EYS: variants seen among roughly 807,000 people sequenced by gnomAD.
The protein encoded by EYS is protein eyes shut homolog.
A neutral mutation model predicts 282.1 loss-of-function variants in EYS; 250 were observed. The observed-to-expected ratio is 0.89, with a 90% CI of 0.80 to 0.98. EYS has a LOEUF of 0.98. EYS is among the 50% of genes least tolerant of loss of function. The probability of loss-of-function intolerance (pLI) is 0.00; values close to 1 mark genes in which losing one functional copy is unlikely to be tolerated. For missense variants in EYS, 4,016 were observed against 3,709.0 expected (o/e 1.08, Z -2.15); for synonymous variants, 1,355 against 1,282.9 (o/e 1.06, Z -1.20).
chr6:63,900,552 C>T (rs1486887635), intron 35 of EYS, among the ~76,000 whole-genome samples: 1 of 152,166 alleles, frequency 6.6e-6, no homozygotes, highest in Non-Finnish European at 1.5e-5. Context: ...AGGTCACTCA[C>T]CTCTCCCCAG....
At chr6:64,911,662 C>A (rs1006958510) in intron 16 of EYS, among the ~76,000 whole-genome samples, 1 of 152,054 alleles carries the variant, frequency 6.6e-6, no homozygotes, top group Non-Finnish European at 1.5e-5. Flanking sequence ...TTTGGGCCTC[C>A]AAACACAATG....
intron 29 of EYS, among the ~76,000 whole-genome samples, chr6:64,309,141 T>C (rs1769575314): frequency 6.6e-6 from 1 of 152,134 alleles, no homozygotes; most frequent in African/African-American, 2.4e-5. Flanking sequence ...AGCTCAGCAA[T>C]GGCATAAAAG....
At chr6:65,061,061 T>A (rs957027927) in intron 12 of EYS, among the ~76,000 whole-genome samples, 1 of 151,840 alleles carries the variant, frequency 6.6e-6, no homozygotes, top group Non-Finnish European at 1.5e-5. Flanking sequence ...ATAAATATCA[T>A]AAAGATTGCC....
chr6:65,526,862 G>A (rs1767587020), intron 2 of EYS, among the ~76,000 whole-genome samples: 1 of 152,056 alleles, frequency 6.6e-6, no homozygotes, highest in Non-Finnish European at 1.5e-5. Flanking sequence ...TCGAAATAAC[G>A]AGAGGGCACT....
chr6:63,924,363 GC>G lies in EYS; in HGVS notation c.7056-60006del, dbSNP rs143364540. ...AAATGCTTCGTGTGGAAAAAGAAGA[GC>G]CTCTTTACTGGAGAAAAGCATTCTG... On this transcript the variant is annotated intron_variant, in intron 35 of 42. Transcript: ENST00000503581. Among the ~76,000 whole-genome samples the G allele has an allele frequency of 5.1e-3, 773 of 152,316 alleles. 4 individuals are homozygous for G. The highest frequency in any genetic ancestry group is 0.017 in the African/African-American group (719 of 41,564).
At chr6:64,879,575 A>G (rs959930503) in intron 19 of EYS, among the ~76,000 whole-genome samples, 4 of 148,640 alleles carry the variant, frequency 2.7e-5, no homozygotes, top group African/African-American at 9.8e-5. Flanking sequence ...TAAAAATATT[A>G]GGTAAGATAG....
At chr6:64,509,053 G>A (rs902428707) in intron 26 of EYS, among the ~76,000 whole-genome samples, 3 of 151,868 alleles carry the variant, frequency 2.0e-5, no homozygotes, top group Non-Finnish European at 4.4e-5. Context: ...ACTAAAAGAG[G>A]ATGGAACTTT....
intron 2 of EYS, among the ~76,000 whole-genome samples, chr6:65,615,479 AT>A (rs1225702119): frequency 6.6e-6 from 1 of 150,878 alleles, no homozygotes; most frequent in African/African-American, 2.4e-5. Flanking sequence ...ACAAAGCTAA[AT>A]GATGTTTACT....
intron 4 of EYS, among the ~76,000 whole-genome samples, chr6:65,493,435 T>C (rs920706435): frequency 3.3e-5 from 5 of 152,252 alleles, no homozygotes; most frequent in Admixed American, 3.3e-4. Flanking sequence ...TATTATCAGC[T>C]GTGTCAAATA....
chr6:64,463,824 C>T (rs976305710), intron 26 of EYS, among the ~76,000 whole-genome samples: 10 of 152,054 alleles, frequency 6.6e-5, no homozygotes, highest in African/African-American at 1.4e-4. Flanking sequence ...ACAAAATCCC[C>T]GCTGATGGCT....
At chr6:64,608,196 T>G (rs915070464) in intron 24 of EYS, among the ~76,000 whole-genome samples, 1 of 152,240 alleles carries the variant, frequency 6.6e-6, no homozygotes, top group East Asian at 1.9e-4. Context: ...TTTTCGTTCA[T>G]GTATAATAAT....
intron 34 of EYS, among the ~76,000 whole-genome samples, chr6:63,986,444 G>A (rs1373308806): frequency 6.6e-6 from 1 of 151,540 alleles, no homozygotes; most frequent in Non-Finnish European, 1.5e-5. Flanking sequence ...AGGAATATCA[G>A]TCATTCTACC....
intron 2 of EYS, among the ~76,000 whole-genome samples, chr6:65,538,894 G>A (rs1049324252): frequency 5.9e-5 from 9 of 152,050 alleles, no homozygotes; most frequent in Non-Finnish European, 8.8e-5. Flanking sequence ...CTTGAGTATT[G>A]CAAAGATATA....
intron 2 of EYS, among the ~76,000 whole-genome samples, chr6:65,570,801 A>G (rs911349212): frequency 1.3e-5 from 2 of 152,144 alleles, no homozygotes; most frequent in African/African-American, 4.8e-5. Context: ...GCTTCTGGAA[A>G]CTTCAGCCTT....
At chr6:64,674,613 T>C (rs1257773388) in intron 22 of EYS, among the ~76,000 whole-genome samples, 1 of 152,106 alleles carries the variant, frequency 6.6e-6, no homozygotes, top group African/African-American at 2.4e-5. Context: ...ACCAACACAC[T>C]GTTAATTGCC....
At chr6:64,441,840 G>A (rs1394419757) in intron 26 of EYS, among the ~76,000 whole-genome samples, 1 of 152,140 alleles carries the variant, frequency 6.6e-6, no homozygotes, top group African/African-American at 2.4e-5. Flanking sequence ...CCAGCCATGT[G>A]GAACTGTAAG....
Position 65,704,186 on chromosome 6 carries a change from A to T in EYS, c.-448+2949T>A, listed in dbSNP as rs115218579. ...AAGCATGCAAATCACATAACTCATA[A>T]TCCTTAATATGTATTGAGTTCTCAG... On this transcript the variant is annotated intron_variant, in intron 1 of 42. Transcript: ENST00000503581. Among the ~76,000 whole-genome samples the T allele has an allele frequency of 5.0e-3, 758 of 152,294 alleles. 6 individuals carry two copies. The highest frequency in any genetic ancestry group is 0.017 in the African/African-American group (715 of 41,566).
chr6:65,064,419 C>T (rs1034831227), intron 12 of EYS, among the ~76,000 whole-genome samples: 2 of 143,366 alleles, frequency 1.4e-5, no homozygotes, highest in African/African-American at 5.1e-5. Context: ...ATACTATATA[C>T]CATATACCAT....
chr6:64,266,234 A>G (rs530943064), intron 30 of EYS, among the ~76,000 whole-genome samples: 5 of 152,142 alleles, frequency 3.3e-5, no homozygotes, highest in African/African-American at 1.2e-4. Flanking sequence ...CAATTAATTT[A>G]TTAGTGATTG....
Sources: allele counts gnomAD v4.1 joint callset (sites outside exome capture counted in the v4.1 genomes callset), GRCh38; gene constraint gnomAD v4.1.1; transcripts MANE v1.5; gene names NCBI Gene and HGNC (gene_info 2026-07-23, HGNC 2026-07-21).